CHUK: variants seen among roughly 807,000 people sequenced by gnomAD.
The protein encoded by CHUK is component of inhibitor of nuclear factor kappa B kinase complex.
Under a neutral mutation model 104.8 loss-of-function variants are expected in CHUK, and 35 were observed. That is an observed-to-expected ratio of 0.33 (90% CI 0.26 to 0.44). CHUK has a LOEUF of 0.44. Among genes scored for constraint, CHUK ranks in the 20% least tolerant of loss-of-function variants. The probability of loss-of-function intolerance (pLI) is 1.00; values close to 1 mark genes in which losing one functional copy is unlikely to be tolerated. For missense variants in CHUK, 663 were observed against 902.7 expected (o/e 0.73, Z 3.40); for synonymous variants, 276 against 291.9 (o/e 0.95, Z 0.56).
chr10:100,210,091 A>ATTTAT (rs58570772), intron 9 of CHUK, among the ~76,000 whole-genome samples: 2 of 121,830 alleles, frequency 1.6e-5, no homozygotes, highest in African/African-American at 6.0e-5. Flanking sequence ...TTATTTATTT[A>ATTTAT]TTTTTTTTTT....
chr10:100,222,280 A>G (rs534946827), intron 3 of CHUK, 99 bp from the exon 4 acceptor site: 1 of 692,024 alleles, frequency 1.4e-6, no homozygotes, highest in Non-Finnish European at 2.6e-6. Context: ...TATTCAAATG[A>G]GAAAATAAGT....
rs1019287123 is a variant in CHUK, at chr10:100,196,102, C to T, written c.1730-1581G>A. 7.9e-5 allele frequency among the ~76,000 whole-genome samples: 12 copies of T among 152,246 alleles called. 1 individual carries two copies. The highest frequency in any genetic ancestry group is 1.0e-4 in the Non-Finnish European group (7 of 68,006). On this transcript the variant is annotated intron_variant, in intron 16 of 20. Transcript: ENST00000370397. ...TACAGGCATGTGCCACGACGCCTGG[C>T]CCAGAAATATTGATTAAAGAAAAAG...
intron 16 of CHUK, 54 bp downstream of exon 16, chr10:100,199,917 G>T: frequency 8.2e-7 from 1 of 1,224,810 alleles, no homozygotes; most frequent in Non-Finnish European, 1.2e-6. Context: ...ACATTTGTTA[G>T]GCTAGTGATA....
At chr10:100,193,213 C>G in intron 19 of CHUK, 85 bp downstream of exon 19, 2 of 1,478,996 alleles carry the variant, frequency 1.4e-6, no homozygotes, top group Non-Finnish European at 1.9e-6. Context: ...TCTGAAGGCA[C>G]AGAAGACTAC....
intron 9 of CHUK, among the ~76,000 whole-genome samples, chr10:100,213,396 G>C (rs1442344639): frequency 6.6e-6 from 1 of 151,244 alleles, no homozygotes; most frequent in Admixed American, 6.6e-5. Context: ...AGGCACGAGA[G>C]AATCACTTGA....
chr10:100,220,468 C>A (rs1322088880), intron 5 of CHUK, 120 bp downstream of exon 5: 1 of 761,328 alleles, frequency 1.3e-6, no homozygotes, highest in African/African-American at 1.7e-5. Context: ...GTGGTGAGGT[C>A]TGAAATGGAA....
intron 9 of CHUK, 118 bp downstream of exon 9, chr10:100,217,876 CA>C (rs1589595089): frequency 1.8e-6 from 2 of 1,131,888 alleles, no homozygotes; most frequent in East Asian, 5.1e-5. Flanking sequence ...GACCCTGTCT[CA>C]AAATAAATAA....
At position 100,193,442 on chromosome 10, in the gene CHUK, A is replaced by C; in HGVS notation, c.1975-11T>G. The C allele has an allele frequency of 6.2e-7, 1 of 1,614,052 alleles. No individual in the cohort carries two copies. The highest frequency in any genetic ancestry group is 8.5e-7 in the Non-Finnish European group (1 of 1,179,956). ...GGCAGAACTCTGTGTCTGAAGGAAA[A>C]GAAAAAAACATCAAAAGATTACAGG... On this transcript the variant is annotated splice_polypyrimidine_tract_variant and intron_variant, in intron 18 of 20. Coordinates refer to ENST00000370397, the MANE Select transcript of CHUK (RefSeq NM_001278.5).
At chr10:100,196,186 C>A (rs1845322047) in intron 16 of CHUK, among the ~76,000 whole-genome samples, 1 of 152,174 alleles carries the variant, frequency 6.6e-6, no homozygotes, top group South Asian at 2.1e-4. Context: ...GCTACAACTT[C>A]TATCACTTAA....
chr10:100,193,154 G>GT, intron 19 of CHUK, 144 bp downstream of exon 19: 2 of 888,298 alleles, frequency 2.3e-6, no homozygotes, highest in African/African-American at 1.6e-5. Flanking sequence ...AAAAAGTCAA[G>GT]TAAGTTGCCT....
Position 100,219,260 on chromosome 10 carries a change from C to G in CHUK, c.564+10G>C. The G allele has an allele frequency of 1.3e-6, 2 of 1,575,296 alleles. No individual in the cohort carries two copies. Among genetic ancestry groups the G allele is most frequent in the Non-Finnish European group, 1.7e-6 (2 of 1,144,658 alleles). ...CACACTTAAATTCAAAGAAACAAAA[C>G]AGGTCTCACCAGATACTGCAGTGTT... On this transcript the variant is annotated intron_variant, in intron 6 of 20. Transcript: ENST00000370397.
At chr10:100,214,963 A>C (rs1052025040) in intron 9 of CHUK, among the ~76,000 whole-genome samples, 6 of 152,158 alleles carry the variant, frequency 3.9e-5, no homozygotes, top group African/African-American at 7.2e-5. Flanking sequence ...GGCCAGGTGC[A>C]GTGGCTCATG....
At position 100,229,521 on chromosome 10, in the gene CHUK, G is replaced by A. The variant is rs1846188774; in HGVS notation, c.12C>T (p.Pro4=). MER[P]PGLRPGAGGP... is the part of the protein sequence containing the mutation. ...CGCCCGCGCCCGGCCGCAGCCCCGG[G>A]GGCCGCTCCATGGGGCGGGAGGGCA... Residue 4 remains proline (P), a synonymous_variant, in exon 1 of 21, where the codon CCC becomes CCT. Coordinates refer to ENST00000370397, the MANE Select transcript of CHUK (RefSeq NM_001278.5). 12 of 1,549,014 alleles carry A rather than the reference G, an allele frequency of 7.7e-6. No individual in the cohort carries two copies. The highest frequency in any genetic ancestry group is 7.2e-5 in the East Asian group (3 of 41,664).
chr10:100,206,088 T>G (rs1308467067), intron 11 of CHUK, among the ~76,000 whole-genome samples: 3 of 151,908 alleles, frequency 2.0e-5, no homozygotes, highest in Non-Finnish European at 2.9e-5. Context: ...TAAAGAGACA[T>G]GACAACCAAA....
intron 16 of CHUK, among the ~76,000 whole-genome samples, chr10:100,196,685 G>A (rs1432975582): frequency 1.3e-5 from 2 of 152,156 alleles, no homozygotes. Flanking sequence ...ACAGGTATGA[G>A]CCACCTGGCC....
At chr10:100,192,814 AATCTT>A (rs1218823643) in intron 19 of CHUK, 1 of 791,694 alleles carries the variant, frequency 1.3e-6, no homozygotes, top group African/African-American at 1.9e-5. Flanking sequence ...AAAAAAGTCT[AATCTT>A]AGAAATACAA....
At chr10:100,193,708 T>C (rs1158157184) in intron 18 of CHUK, 1 of 592,816 alleles carries the variant, frequency 1.7e-6, no homozygotes, top group Admixed American at 3.0e-5. Flanking sequence ...TCAATTTCAT[T>C]ATCTAGGCAG....
intron 9 of CHUK, among the ~76,000 whole-genome samples, chr10:100,212,340 TG>T (rs1435531421): frequency 6.6e-6 from 1 of 152,052 alleles, no homozygotes; most frequent in African/African-American, 2.4e-5. Flanking sequence ...TCCCAACAGG[TG>T]GGGGGTGATA....
At chr10:100,209,832 T>C in intron 9 of CHUK, 43 bp from the exon 10 acceptor site, 1 of 902,700 alleles carries the variant, frequency 1.1e-6, no homozygotes, top group Non-Finnish European at 1.8e-6. Flanking sequence ...GATTATTTGT[T>C]ACATAAAAGA....
Sources: gnomAD v4.1 joint callset for allele counts (sites outside exome capture counted in the v4.1 genomes callset) on GRCh38, gnomAD v4.1.1 for gene constraint, MANE v1.5 for transcripts, NCBI Gene and HGNC (gene_info 2026-07-23, HGNC 2026-07-21) for gene names.